Variants in LARS2 observed in about 807,000 individuals in gnomAD.
The protein encoded by LARS2 is leucyl-tRNA synthetase 2, mitochondrial.
In LARS2, 81 loss-of-function variants were observed where a neutral mutation model predicts 116.6. That is an observed-to-expected ratio of 0.69 (90% CI 0.58 to 0.84). LARS2 has a LOEUF of 0.84. LARS2 is among the 40% of genes least tolerant of loss of function. The pLI is 0.00. For missense variants in LARS2, 968 were observed against 1,114.5 expected (o/e 0.87, Z 1.87); for synonymous variants, 396 against 407.2 (o/e 0.97, Z 0.33).
chr3:45,527,623 C>CAA (rs560212104), intron 20 of LARS2, among the ~76,000 whole-genome samples: 2 of 121,430 alleles, frequency 1.6e-5, no homozygotes, highest in African/African-American at 3.1e-5. Context: ...GACTCCGTCT[C>CAA]AAAAAAAAAA....
At chr3:45,466,667 G>A (rs9873798) in intron 8 of LARS2, among the ~76,000 whole-genome samples, 2,750 of 152,082 alleles carry the variant, frequency 0.018, 74 homozygotes, top group African/African-American at 0.059. Context: ...CCAAGAGCAG[G>A]GAAGGGCCAG....
chr3:45,455,829 T>G (rs1388892458), intron 7 of LARS2, among the ~76,000 whole-genome samples: 1 of 152,086 alleles, frequency 6.6e-6, no homozygotes, highest in Admixed American at 6.6e-5. Flanking sequence ...ACAATAAAAT[T>G]CTGTCATTTG....
intron 19 of LARS2, 117 bp downstream of exon 19, chr3:45,520,413 T>C (rs1328946157): frequency 1.5e-6 from 1 of 685,370 alleles, no homozygotes; most frequent in Non-Finnish European, 2.6e-6. Context: ...CGCCTCAGTG[T>C]GGCTTGATTA....
Position 45,513,890 on chromosome 3 carries a change from C to T in LARS2, c.1861+655C>T, listed in dbSNP as rs530088638. On this transcript the variant is annotated intron_variant, in intron 16 of 21. Coordinates refer to ENST00000645846, the MANE Select transcript of LARS2 (RefSeq NM_015340.4). Reference sequence around the variant, plus strand: ...ATGTATCACGTGCACCCAGCACACACGTGGAATATATGACATGTTAGAAAA... The same window carrying T: ...ATGTATCACGTGCACCCAGCACACATGTGGAATATATGACATGTTAGAAAA... Among the ~76,000 whole-genome samples the T allele has an allele frequency of 6.6e-5, 10 of 152,248 alleles. 1 individual carries two copies. The South Asian group carries it at 1.7e-3, about 25-fold the overall frequency.
At chr3:45,481,228 A>G (rs1297673791) in intron 10 of LARS2, among the ~76,000 whole-genome samples, 1 of 152,240 alleles carries the variant, frequency 6.6e-6, no homozygotes, top group Non-Finnish European at 1.5e-5. Context: ...ATCCTCCATT[A>G]TATGGATAGG....
rs1443403801 is a variant in LARS2 at position 45,458,798 on chromosome 3, A to T, written c.662A>T (p.Asp221Val). ...ACAGTGCTTGCCAATGAGCAGGTGG[A>T]TGAACATGGCTGTTCATGGCGTTCT... ...DQTVLANEQV[D>V]EHGCSWRSGA... The change falls in exon 8 of 22, where the codon GAT (aspartate) becomes GTT (valine). Residue 221 changes from aspartate to valine, a missense_variant. Physicochemically the swap from Asp to Val is radical, Grantham distance 152. Coordinates refer to ENST00000645846, the MANE Select transcript of LARS2 (RefSeq NM_015340.4). The T allele has an allele frequency of 1.2e-6, 2 of 1,614,060 alleles. No homozygotes were observed.
At chr3:45,518,332 A>G (rs551507588) in intron 18 of LARS2, among the ~76,000 whole-genome samples, 1 of 152,296 alleles carries the variant, frequency 6.6e-6, no homozygotes, top group Non-Finnish European at 1.5e-5. Flanking sequence ...ACATTTGTCC[A>G]TCCTGGGTCT....
chr3:45,395,333 C>G (rs1427454679), intron 3 of LARS2, among the ~76,000 whole-genome samples: 2 of 152,194 alleles, frequency 1.3e-5, no homozygotes, highest in Non-Finnish European at 2.9e-5. Flanking sequence ...GGCTTCTGCA[C>G]CAGGTACACC....
chr3:45,527,805 G>A (rs1353920765), intron 20 of LARS2, among the ~76,000 whole-genome samples: 2 of 152,048 alleles, frequency 1.3e-5, no homozygotes, highest in African/African-American at 4.8e-5. Flanking sequence ...TCTTGTTTTG[G>A]TCTCCTTTTA....
intron 6 of LARS2, among the ~76,000 whole-genome samples, chr3:45,446,042 T>G (rs1307747205): frequency 6.6e-6 from 1 of 152,156 alleles, no homozygotes; most frequent in Non-Finnish European, 1.5e-5. Flanking sequence ...CCACTGCACT[T>G]CAACCTTGGT....
intron 6 of LARS2, among the ~76,000 whole-genome samples, chr3:45,440,937 AC>A (rs1299077663): frequency 6.7e-6 from 1 of 148,340 alleles, no homozygotes; most frequent in Non-Finnish European, 1.5e-5. Flanking sequence ...CTTGTGCCTT[AC>A]CCCAGTAGGC....
chr3:45,529,253 G>A (rs1173707519), intron 20 of LARS2, among the ~76,000 whole-genome samples: 1 of 151,792 alleles, frequency 6.6e-6, no homozygotes, highest in Non-Finnish European at 1.5e-5. Flanking sequence ...ACTGTTTATA[G>A]TTATACATTA....
At chr3:45,546,034 C>A (rs561435217) in intron 21 of LARS2, among the ~76,000 whole-genome samples, 1 of 152,258 alleles carries the variant, frequency 6.6e-6, no homozygotes, top group East Asian at 1.9e-4. Flanking sequence ...CCTGAATCTC[C>A]CCACATGAGA....
At position 45,496,310 on chromosome 3, in the gene LARS2, T is replaced by C. The variant is rs1700010204; in HGVS notation, c.1559T>C (p.Met520Thr). 3 of 1,614,156 alleles carry C rather than the reference T, an allele frequency of 1.9e-6. No homozygotes were observed. Among genetic ancestry groups the C allele is most frequent in the South Asian group, 2.2e-5 (2 of 91,082 alleles). ...GCAGCCAAGAGAGAGACAGACACGA[T>C]GGATACCTTTGTTGATTCTGCTTGG... ...KGAAKRETDT[M>T]DTFVDSAWYY... The change falls in exon 14 of 22, where the codon ATG becomes ACG. Residue 520 changes from methionine (M) to threonine (T), a missense_variant. Coordinates refer to ENST00000645846, the MANE Select transcript of LARS2 (RefSeq NM_015340.4).
intron 15 of LARS2, among the ~76,000 whole-genome samples, chr3:45,506,623 C>T (rs1483129143): frequency 6.6e-6 from 1 of 152,054 alleles, no homozygotes; most frequent in African/African-American, 2.4e-5. Context: ...GCCCTTGTCT[C>T]AAGTAGCAGC....
chr3:45,419,648 C>A (rs1226990242), intron 5 of LARS2, 21 bp from the exon 6 acceptor site: 1 of 1,607,406 alleles, frequency 6.2e-7, no homozygotes, highest in East Asian at 2.2e-5. Context: ...AAAACCAAAC[C>A]TTTTTCCCAT....
chr3:45,449,001 A>G (rs1232643232), intron 7 of LARS2, among the ~76,000 whole-genome samples: 1 of 152,222 alleles, frequency 6.6e-6, no homozygotes, highest in East Asian at 1.9e-4. Flanking sequence ...TGCAGCAGAA[A>G]TGTATTTCCT....
chr3:45,542,048 G>C, intron 21 of LARS2, 92 bp downstream of exon 21: 1 of 1,501,864 alleles, frequency 6.7e-7, no homozygotes, highest in Non-Finnish European at 9.1e-7. Context: ...TCTATTAGCA[G>C]GCCTTTCTAG....
At chr3:45,498,964 T>TA (rs1700069833) in intron 14 of LARS2, among the ~76,000 whole-genome samples, 1 of 152,178 alleles carries the variant, frequency 6.6e-6, no homozygotes, top group Non-Finnish European at 1.5e-5. Context: ...ATTTTCAGAC[T>TA]GCTTTAAAAA....
Sources: allele counts gnomAD v4.1 joint callset (sites outside exome capture counted in the v4.1 genomes callset), GRCh38; gene constraint gnomAD v4.1.1; transcripts MANE v1.5; gene names NCBI Gene and HGNC (gene_info 2026-07-23, HGNC 2026-07-21).